The following RHBDD1 variants were observed in gnomAD, a reference collection of about 807,000 sequenced individuals.
RHBDD1 encodes the protein rhomboid-related protein 4.
A neutral mutation model predicts 36.3 loss-of-function variants in RHBDD1; 38 were observed. The observed-to-expected ratio is 1.05, with a 90% CI of 0.81 to 1.37. The LOEUF (loss-of-function observed/expected upper bound fraction) is 1.37, where lower values mean the gene tolerates loss of function less well. Ranked by LOEUF, RHBDD1 falls within the 40% of genes most tolerant of loss-of-function variation. The pLI is 0.00. For missense variants in RHBDD1, 393 were observed against 377.6 expected (o/e 1.04, Z -0.34); for synonymous variants, 151 against 136.5 (o/e 1.11, Z -0.74).
intron 8 of RHBDD1, among the ~76,000 whole-genome samples, chr2:226,972,702 C>A (rs924376296): frequency 2.6e-5 from 4 of 152,308 alleles, no homozygotes; most frequent in African/African-American, 9.6e-5. Flanking sequence ...GATAGTGACA[C>A]AACAGTGAAC....
At chr2:226,907,054 C>G in intron 6 of RHBDD1, 173 bp downstream of exon 6, 1 of 680,304 alleles carries the variant, frequency 1.5e-6, no homozygotes, top group Admixed American at 2.5e-5. Context: ...TTACATTGCT[C>G]CACAAAAGAG....
chr2:226,864,917 A>G lies in RHBDD1; in HGVS notation c.224A>G (p.His75Arg). 6.2e-7 allele frequency: 1 copy of G among 1,614,204 alleles called. No homozygotes were observed. Among genetic ancestry groups the G allele is most frequent in the Non-Finnish European group, 8.5e-7 (1 of 1,180,024 alleles). The change falls in exon 4 of 9, where the codon CAT becomes CGT. Residue 75 changes from histidine to arginine, a missense_variant. By Grantham distance (29) the His-to-Arg change is conservative (BLOSUM62 0). Transcript: ENST00000392062. Reference sequence around the variant, plus strand: ...CGTTTACTGCTCTCTCCCCTTCACCATGCTGATGATTGGCATTTGTATTTC... The same window carrying G: ...CGTTTACTGCTCTCTCCCCTTCACCGTGCTGATGATTGGCATTTGTATTTC... ...WQRLLLSPLH[H>R]ADDWHLYFNM...
rs530169896 is a variant in RHBDD1, at chr2:226,924,051, C to T, written c.856+9700C>T. Among the ~76,000 whole-genome samples, 46 of 152,148 alleles carry T rather than the reference C, an allele frequency of 3.0e-4. No individual in the cohort carries two copies. The South Asian group carries it at 8.9e-3, about 30-fold the overall frequency. On this transcript the variant is annotated intron_variant, in intron 8 of 8. Coordinates refer to ENST00000392062, the MANE Select transcript of RHBDD1 (RefSeq NM_001167608.3). ...GCAAGACAAAGTTCCCTTTACTTTC[C>T]TCACTTCTTTCCTTAAGCAGAAGGA... is the stretch of plus-strand genomic sequence containing the variant.
At chr2:226,932,022 C>T (rs576284863) in intron 8 of RHBDD1, among the ~76,000 whole-genome samples, 8 of 152,148 alleles carry the variant, frequency 5.3e-5, no homozygotes, top group Admixed American at 2.6e-4. Flanking sequence ...TTTATAGTTT[C>T]GAACATGCAG....
chr2:226,909,975 C>G (rs1006162510), intron 7 of RHBDD1, among the ~76,000 whole-genome samples: 4 of 152,198 alleles, frequency 2.6e-5, no homozygotes, highest in Non-Finnish European at 5.9e-5. Flanking sequence ...CATATAATCT[C>G]TGCTGGAACT....
intron 8 of RHBDD1, among the ~76,000 whole-genome samples, chr2:226,958,821 G>A (rs1221058690): frequency 6.6e-6 from 1 of 151,370 alleles, no homozygotes; most frequent in Non-Finnish European, 1.5e-5. Context: ...CCAGGAGTTG[G>A]ATACCCAGTC....
chr2:226,826,242 A>G, the RHBDD1 span, among the ~76,000 whole-genome samples: 1 of 152,232 alleles, frequency 6.6e-6, no homozygotes, highest in Non-Finnish European at 1.5e-5. Flanking sequence ...GGAATGGCTG[A>G]TCTAGAGGCA....
intron 7 of RHBDD1, among the ~76,000 whole-genome samples, chr2:226,913,643 C>T (rs1948681659): frequency 6.6e-6 from 1 of 151,882 alleles, no homozygotes; most frequent in South Asian, 2.1e-4. Flanking sequence ...GTCGTCTCTT[C>T]TTTCTTGTTT....
At chr2:226,944,128 T>C (rs1218555476) in intron 8 of RHBDD1, among the ~76,000 whole-genome samples, 12 of 152,180 alleles carry the variant, frequency 7.9e-5, no homozygotes, top group Admixed American at 7.9e-4. Context: ...TTTTGGCAGA[T>C]TCAATCTAAA....
At chr2:226,990,143 TGTC>T (rs1262231993) in intron 8 of RHBDD1, among the ~76,000 whole-genome samples, 4 of 152,262 alleles carry the variant, frequency 2.6e-5, no homozygotes, top group Non-Finnish European at 5.9e-5. Context: ...GTGTGGTTAC[TGTC>T]TTTAAGCATC....
intron 8 of RHBDD1, among the ~76,000 whole-genome samples, chr2:226,929,238 G>A (rs1189275480): frequency 6.6e-6 from 1 of 152,030 alleles, no homozygotes; most frequent in Non-Finnish European, 1.5e-5. Context: ...GAACGTAGAT[G>A]CAAAAACTCT....
At chr2:226,913,207 C>T (rs1948642931) in intron 7 of RHBDD1, among the ~76,000 whole-genome samples, 1 of 152,052 alleles carries the variant, frequency 6.6e-6, no homozygotes, top group African/African-American at 2.4e-5. Context: ...CTGCTGTACT[C>T]TGTGGGATAA....
At chr2:226,985,954 G>A (rs1479903390) in intron 8 of RHBDD1, among the ~76,000 whole-genome samples, 3 of 152,242 alleles carry the variant, frequency 2.0e-5, no homozygotes, top group Non-Finnish European at 2.9e-5. Context: ...GTTCAAAGTG[G>A]AGAAAACTGA....
intron 8 of RHBDD1, chr2:226,988,497 C>G (rs1202216060): frequency 1.3e-6 from 2 of 1,533,988 alleles, no homozygotes; most frequent in African/African-American, 2.8e-5. Flanking sequence ...AGCAAAGACT[C>G]AGGCCTTGCG....
At chr2:226,863,832 A>C (rs1160149176) in intron 3 of RHBDD1, among the ~76,000 whole-genome samples, 1 of 152,228 alleles carries the variant, frequency 6.6e-6, no homozygotes, top group Non-Finnish European at 1.5e-5. Context: ...GAAGCGGGCT[A>C]GTAAGCCATG....
At chr2:226,952,929 G>C (rs1951532899) in intron 8 of RHBDD1, among the ~76,000 whole-genome samples, 1 of 152,120 alleles carries the variant, frequency 6.6e-6, no homozygotes, top group African/African-American at 2.4e-5. Context: ...TTAGGGATGG[G>C]GTGGGATGGG....
intron 8 of RHBDD1, among the ~76,000 whole-genome samples, chr2:226,987,642 C>G (rs1057333223): frequency 3.3e-5 from 5 of 152,220 alleles, no homozygotes; most frequent in African/African-American, 1.2e-4. Context: ...TCCAGGCCCC[C>G]CTCTGGGTAC....
Position 226,952,076 on chromosome 2 carries a change from G to A in RHBDD1, c.856+37725G>A, listed in dbSNP as rs537810539. Among the ~76,000 whole-genome samples, 58 of 152,208 alleles carry A rather than the reference G, an allele frequency of 3.8e-4. No homozygotes were observed. In the South Asian group the frequency reaches 4.4e-3, roughly 11 times the overall value. ...CTGTAGCTAGTGGAGTTGGGGTGAG[G>A]GAGTGTGCACAGAGATGGTAGCGTG... On this transcript the variant is annotated intron_variant, in intron 8 of 8. Transcript: ENST00000392062.
At chr2:226,813,423 CATT>C in the RHBDD1 span, among the ~76,000 whole-genome samples, 2 of 152,100 alleles carry the variant, frequency 1.3e-5, no homozygotes, top group African/African-American at 4.8e-5. Flanking sequence ...TGGGGGATGG[CATT>C]ATAAGAGAGG....
Sources: allele counts gnomAD v4.1 joint callset (sites outside exome capture counted in the v4.1 genomes callset), GRCh38; gene constraint gnomAD v4.1.1; transcripts MANE v1.5; gene names NCBI Gene and HGNC (gene_info 2026-07-23, HGNC 2026-07-21).